KLHL23: variants seen among roughly 807,000 people sequenced by gnomAD.
The protein encoded by KLHL23 is kelch like family member 23.
KLHL23 carries 33 observed loss-of-function variants against 48.9 expected under a neutral mutation model. The observed-to-expected ratio is 0.67, with a 90% CI of 0.51 to 0.90. The LOEUF is 0.90. Among genes scored for constraint, KLHL23 ranks in the 40% least tolerant of loss-of-function variants. The probability of loss-of-function intolerance (pLI) is 0.00; values close to 1 mark genes in which losing one functional copy is unlikely to be tolerated. For missense variants in KLHL23, 608 were observed against 669.6 expected (o/e 0.91, Z 1.02); for synonymous variants, 234 against 231.6 (o/e 1.01, Z -0.09).
intron 3 of KLHL23, among the ~76,000 whole-genome samples, chr2:169,744,547 A>G (rs1688749400): frequency 6.7e-6 from 1 of 149,532 alleles, no homozygotes; most frequent in South Asian, 2.1e-4. Flanking sequence ...AGAGCTTTGA[A>G]TGGCAGTCTG....
At chr2:169,740,552 C>T (rs950218345) in intron 2 of KLHL23, among the ~76,000 whole-genome samples, 15 of 149,258 alleles carry the variant, frequency 1.0e-4, no homozygotes, top group African/African-American at 3.7e-4. Context: ...GGGTTCACGC[C>T]ATTCTCCTGC....
At chr2:169,747,876 A>C (rs1688831898) in intron 3 of KLHL23, among the ~76,000 whole-genome samples, 2 of 152,210 alleles carry the variant, frequency 1.3e-5, no homozygotes, top group South Asian at 4.1e-4. Flanking sequence ...TAAGCCCTGC[A>C]CTTTGAGAGG....
At chr2:169,738,428 A>G (rs1330243411) in intron 2 of KLHL23, among the ~76,000 whole-genome samples, 1 of 152,010 alleles carries the variant, frequency 6.6e-6, no homozygotes, top group East Asian at 1.9e-4. Flanking sequence ...TTAGATTCCC[A>G]TTTTTTGGTA....
At chr2:169,738,651 A>G (rs982748033) in intron 2 of KLHL23, among the ~76,000 whole-genome samples, 4 of 152,002 alleles carry the variant, frequency 2.6e-5, no homozygotes, top group Non-Finnish European at 4.4e-5. Context: ...TTTCCATCAT[A>G]ACTGCTCTAC....
Position 169,749,544 on chromosome 2 carries a change from A to G in KLHL23, c.1489A>G (p.Arg497Gly). The change falls in exon 4 of 4, where the codon AGG (arginine) becomes GGG (glycine). Residue 497 changes from arginine to glycine, a missense_variant. Physicochemically the swap from Arg to Gly is moderately radical, Grantham distance 125. Coordinates refer to ENST00000392647, the MANE Select transcript of KLHL23 (RefSeq NM_144711.6). ...EWREIAPMME[R>G]RMECGAVIMN... ...GAGAGAGATAGCTCCCATGATGGAA[A>G]GGAGGATGGAGTGCGGTGCCGTCAT... 6.2e-7 allele frequency: 1 copy of G among 1,614,148 alleles called. No homozygotes were observed. Among genetic ancestry groups the G allele is most frequent in the Non-Finnish European group, 8.5e-7 (1 of 1,180,024 alleles).
Position 169,735,801 on chromosome 2 carries a change from A to C in KLHL23, c.787A>C (p.Met263Leu), listed in dbSNP as rs900901585. 1.9e-6 allele frequency: 3 copies of C among 1,614,132 alleles called. No homozygotes were observed. ...CCTAATATACAATGCCTTGAATCCC[A>C]TGCATAAAGAGATTTCCCAGAGGTC... ...RSLIYNALNPMHKEISQRSTA... is the reference protein window; with the variant it reads ...RSLIYNALNPLHKEISQRSTA... Residue 263 changes from methionine to leucine, a missense_variant, in exon 2 of 4, where the codon ATG becomes CTG. Around this residue, in one of 3 missense-constraint regions of KLHL23, gnomAD observed 419 missense variants for 473.1 expected, o/e 0.89. Coordinates refer to ENST00000392647, the MANE Select transcript of KLHL23 (RefSeq NM_144711.6). The surrounding 1 kb of genome is among the most constrained non-coding windows in gnomAD (Gnocchi z 4.5).
Position 169,735,420 on chromosome 2 carries a change from A to G in KLHL23, c.406A>G (p.Ile136Val). ...CERFLVRHLDIDNCIGMHSFA... is the reference protein window; with the variant it reads ...CERFLVRHLDVDNCIGMHSFA... ...GCGGTTTTTGGTAAGGCACTTGGATATTGATAATTGTATTGGAATGCACTC... is the reference window on the plus strand; with the variant it reads ...GCGGTTTTTGGTAAGGCACTTGGATGTTGATAATTGTATTGGAATGCACTC... Residue 136 changes from isoleucine to valine, a missense_variant, in exon 2 of 4, where the codon ATT becomes GTT. Ile to Val is a conservative substitution (Grantham distance 29). Transcript: ENST00000392647. The surrounding 1 kb of genome is among the most constrained non-coding windows in gnomAD (Gnocchi z 4.5). 1.9e-6 allele frequency: 3 copies of G among 1,613,854 alleles called. No individual in the cohort carries two copies. The highest frequency in any genetic ancestry group is 2.5e-6 in the Non-Finnish European group (3 of 1,180,000).
chr2:169,744,364 G>A (rs1688744297), intron 3 of KLHL23, among the ~76,000 whole-genome samples: 1 of 152,224 alleles, frequency 6.6e-6, no homozygotes, highest in South Asian at 2.1e-4. Context: ...CCCAAATAAG[G>A]AAGGTAGTTT....
intron 2 of KLHL23, 77 bp downstream of exon 2, chr2:169,736,304 A>G: frequency 1.3e-6 from 2 of 1,506,226 alleles, no homozygotes; most frequent in Non-Finnish European, 1.8e-6. Context: ...TCTTGAATTT[A>G]TCACTTTGGG....
Position 169,749,606 on chromosome 2 carries a change from C to G in KLHL23, c.1551C>G (p.Ser517=), listed in dbSNP as rs760621357. Residue 517 remains serine, a synonymous_variant, in exon 4 of 4, where the codon TCC becomes TCG. Transcript: ENST00000392647. ...NGCIYVTGGY[S]YSKGTYLQSI... is the part of the protein sequence containing the mutation. ...GTATTTATGTCACTGGAGGATACTC[C>G]TACTCAAAGGGAACGTATCTTCAGA... is the stretch of plus-strand genomic sequence containing the variant. The G allele has an allele frequency of 6.2e-7, 1 of 1,613,944 alleles. No homozygotes were observed. The highest frequency in any genetic ancestry group is 1.3e-5 in the African/African-American group (1 of 74,948).
At position 169,735,165 on chromosome 2, in the gene KLHL23, C is replaced by T; in HGVS notation, c.151C>T (p.His51Tyr). Residue 51 changes from histidine (H) to tyrosine (Y), a missense_variant, in exon 2 of 4, where the codon CAC becomes TAC. Around this residue, in one of 3 missense-constraint regions of KLHL23, gnomAD observed 419 missense variants for 473.1 expected, o/e 0.89. Transcript: ENST00000392647. This position sits in a 1 kb window ranked among gnomAD's most constrained non-coding sequence, Gnocchi z 4.5. ...QCPSGIIFHC[H>Y]RAVLAACSNY... ...TCCTTCAGGCATAATTTTCCATTGT[C>T]ACCGAGCCGTTTTAGCTGCTTGCAG... 1.2e-6 allele frequency: 2 copies of T among 1,613,178 alleles called. No individual in the cohort carries two copies. Among genetic ancestry groups the T allele is most frequent in the Non-Finnish European group, 1.7e-6 (2 of 1,179,864 alleles).
chr2:169,749,855 T>C lies in KLHL23; in HGVS notation c.*123T>C, dbSNP rs1480307073. The C allele has an allele frequency of 8.3e-7, 1 of 1,201,636 alleles. No homozygotes were observed. Among genetic ancestry groups the C allele is most frequent in the Non-Finnish European group, 1.1e-6 (1 of 880,708 alleles). 74.4% of individuals were successfully genotyped at this position (1,201,636 alleles called of 1,614,324 possible). ...TGGCACATGATAGGGGATCAGTAAA[T>C]TGTAATTCCTAACCCTACTGTACTC... On this transcript the variant is annotated 3_prime_UTR_variant, in exon 4 of 4. Coordinates refer to ENST00000392647, the MANE Select transcript of KLHL23 (RefSeq NM_144711.6).
Position 169,735,808 on chromosome 2 carries a change from A to G in KLHL23, c.794A>G (p.Lys265Arg), listed in dbSNP as rs1320043857. 1 of 1,614,146 alleles carries G rather than the reference A, an allele frequency of 6.2e-7. No homozygotes were observed. Among genetic ancestry groups the G allele is most frequent in the Non-Finnish European group, 8.5e-7 (1 of 1,180,034 alleles). The change falls in exon 2 of 4, where the codon AAA (lysine) becomes AGA (arginine). Residue 265 changes from lysine (K) to arginine (R), a missense_variant. By Grantham distance (26) the Lys-to-Arg change is conservative. Around this residue, in one of 3 missense-constraint regions of KLHL23, gnomAD observed 419 missense variants for 473.1 expected, o/e 0.89. Transcript: ENST00000392647. This position sits in a 1 kb window ranked among gnomAD's most constrained non-coding sequence, Gnocchi z 4.5. ...TACAATGCCTTGAATCCCATGCATA[A>G]AGAGATTTCCCAGAGGTCCACAGCC... is the stretch of plus-strand genomic sequence containing the variant. ...LIYNALNPMH[K>R]EISQRSTATM...
At chr2:169,749,391 A>C (rs1314331378) in intron 3 of KLHL23, 31 bp from the exon 4 acceptor site, 1 of 1,536,228 alleles carries the variant, frequency 6.5e-7, no homozygotes, top group African/African-American at 1.4e-5. Context: ...TCCTTTAAAA[A>C]AATGCTGTTT....
chr2:169,734,993 T>G lies in KLHL23; in HGVS notation c.-2-20T>G. ...ATGTGCAACATTGAAAACACATTTG[T>G]TATTTCATATTTATTGCAGCCATGG... is the stretch of plus-strand genomic sequence containing the variant. On this transcript the variant is annotated intron_variant, in intron 1 of 3. Transcript: ENST00000392647. The G allele has an allele frequency of 6.6e-7, 1 of 1,517,600 alleles. No individual in the cohort carries two copies. Among genetic ancestry groups the G allele is most frequent in the Non-Finnish European group, 8.8e-7 (1 of 1,138,652 alleles). The allele number at this position is 1,517,600 out of a possible 1,614,324, so 94.0% of individuals were successfully genotyped here.
intron 2 of KLHL23, among the ~76,000 whole-genome samples, chr2:169,740,766 T>TTATATATATATATATATATATATATA (rs55779546): frequency 5.3e-4 from 66 of 125,424 alleles, no homozygotes; most frequent in African/African-American, 1.8e-3. Context: ...CTTTTTTATA[T>TTATATATATATATATATATATATATA]TATATATATA....
Position 169,749,579 on chromosome 2 carries a change from A to T in KLHL23, c.1524A>T (p.Gly508=). ...RMECGAVIMN[G]CIYVTGGYSY... Reference sequence around the variant, plus strand: ...AGTGCGGTGCCGTCATCATGAATGGATGTATTTATGTCACTGGAGGATACT... The same window carrying T: ...AGTGCGGTGCCGTCATCATGAATGGTTGTATTTATGTCACTGGAGGATACT... The change falls in exon 4 of 4, where the codon GGA becomes GGT. Residue 508 remains glycine (G), a synonymous_variant. Transcript: ENST00000392647. The T allele has an allele frequency of 6.2e-7, 1 of 1,613,982 alleles. No individual in the cohort carries two copies. Among genetic ancestry groups the T allele is most frequent in the Non-Finnish European group, 8.5e-7 (1 of 1,180,014 alleles).
chr2:169,747,603 G>A (rs1196318104), intron 3 of KLHL23, among the ~76,000 whole-genome samples: 1 of 151,650 alleles, frequency 6.6e-6, no homozygotes, highest in Non-Finnish European at 1.5e-5. Flanking sequence ...CATTCATCTG[G>A]AAATCGCATT....
rs745450501 is a variant in KLHL23 at position 169,735,242 on chromosome 2, TA to T, written c.232del (p.Ile78Ter). 1 of 1,603,144 alleles carries T rather than the reference TA, an allele frequency of 6.2e-7. No individual in the cohort carries two copies. The highest frequency in any genetic ancestry group is 8.5e-7 in the Non-Finnish European group (1 of 1,177,492). ...CTGACATGAAAGAAAAATTTAAAAA[TA>T]AAATAAAACTCTCTGGCATCCACCA... is the stretch of plus-strand genomic sequence containing the variant. Reference protein sequence around the residue: ...TADMKEKFKNKIKLSGIHHDI... With the variant: ...TADMKEKFKNXIKLSGIHHDI... On this transcript the variant is annotated frameshift_variant, in exon 2 of 4. Coordinates refer to ENST00000392647, the MANE Select transcript of KLHL23 (RefSeq NM_144711.6). LOFTEE classifies it high-confidence loss of function. The surrounding 1 kb of genome is among the most constrained non-coding windows in gnomAD (Gnocchi z 4.5).
Sources: allele counts gnomAD v4.1 joint callset (sites outside exome capture counted in the v4.1 genomes callset), GRCh38; gene constraint gnomAD v4.1.1; regional missense constraint gnomAD v4.1.1; non-coding constraint Gnocchi (gnomAD v3.1); transcripts MANE v1.5; gene names NCBI Gene and HGNC (gene_info 2026-07-23, HGNC 2026-07-21).